FRYL: variants seen among roughly 807,000 people sequenced by gnomAD.
The protein encoded by FRYL is FRY like transcription coactivator, also known as protein furry homolog-like.
In FRYL, 150 loss-of-function variants were observed where a neutral mutation model predicts 351.2. The ratio of observed to expected loss-of-function variants is 0.43; its 90% CI spans 0.37 to 0.49. FRYL has a LOEUF of 0.49. Among genes scored for constraint, FRYL ranks in the 20% least tolerant of loss-of-function variants. The probability of loss-of-function intolerance (pLI) is 0.00; values close to 1 mark genes in which losing one functional copy is unlikely to be tolerated. For synonymous variants in FRYL, 1,153 were observed against 1,257.1 expected (o/e 0.92, Z 1.75); for missense variants, 3,036 against 3,619.3 (o/e 0.84, Z 4.13).
intron 1 of FRYL, among the ~76,000 whole-genome samples, chr4:48,779,632 G>A (rs1329098346): frequency 6.6e-6 from 1 of 151,982 alleles, no homozygotes; most frequent in Non-Finnish European, 1.5e-5. Flanking sequence ...CTCCACCTCT[G>A]CCACCGCCTT....
chr4:48,702,708 A>T (rs1195369964), intron 2 of FRYL, among the ~76,000 whole-genome samples: 17 of 142,704 alleles, frequency 1.2e-4, no homozygotes, highest in Non-Finnish European at 2.1e-4. Flanking sequence ...TTACAGTGAG[A>T]GGAGATCGGG....
At chr4:48,582,392 A>C (rs1741135303) in intron 20 of FRYL, 105 bp downstream of exon 20, 1 of 737,276 alleles carries the variant, frequency 1.4e-6, no homozygotes, top group South Asian at 1.8e-5. Flanking sequence ...AGTGAATAGA[A>C]CTAATAATAC....
chr4:48,739,003 C>T (rs1771749116), intron 1 of FRYL, among the ~76,000 whole-genome samples: 1 of 152,068 alleles, frequency 6.6e-6, no homozygotes, highest in South Asian at 2.1e-4. Flanking sequence ...TAACACTGCC[C>T]AACCCAACAC....
Position 48,640,279 on chromosome 4 carries a change from GATAA to G in FRYL, c.-80-5793_-80-5790del, listed in dbSNP as rs745953659. The stretch of plus-strand genomic sequence containing the variant: ...CAAAATGTCATTCAGTAGGTGAATG[GATAA>G]ATAAACTGTGATATATTCAGACAAT... On this transcript the variant is annotated intron_variant, in intron 3 of 63. Coordinates refer to ENST00000358350, the MANE Select transcript of FRYL (RefSeq NM_015030.2). Among the ~76,000 whole-genome samples, 31 of 152,166 alleles carry G rather than the reference GATAA, an allele frequency of 2.0e-4. 3 individuals are homozygous for G. The highest frequency in any genetic ancestry group is 3.3e-4 in the Admixed American group (5 of 15,262).
chr4:48,653,419 C>G (rs1320808761), intron 3 of FRYL, among the ~76,000 whole-genome samples: 2 of 151,984 alleles, frequency 1.3e-5, no homozygotes. Context: ...CCGTCCCACA[C>G]CCCGCCCCCC....
rs1741144380 is a variant in FRYL, at chr4:48,582,438, C to T, written c.1986+59G>A. 8.8e-6 allele frequency: 9 copies of T among 1,018,412 alleles called. No individual in the cohort carries two copies. The South Asian group carries it at 1.1e-4, about 12-fold the overall frequency. The allele number at this position is 1,018,412 out of a possible 1,614,324, so 63.1% of individuals were successfully genotyped here. A position where few individuals can be genotyped will look rare whatever the true frequency, so the allele number is the denominator to read the frequency against. ...TGATAAAGTAAATCTGTATTAAAAC[C>T]ATTATTGGTCATTTAGCACTGACCA... On this transcript the variant is annotated intron_variant, in intron 20 of 63. Transcript: ENST00000358350.
At chr4:48,702,926 T>G (rs1766927855) in intron 2 of FRYL, among the ~76,000 whole-genome samples, 1 of 151,974 alleles carries the variant, frequency 6.6e-6, no homozygotes. Context: ...AATCTTGGGA[T>G]CTAAGAAGGA....
At chr4:48,760,225 A>C (rs1199006048) in intron 1 of FRYL, among the ~76,000 whole-genome samples, 1 of 151,948 alleles carries the variant, frequency 6.6e-6, no homozygotes, top group African/African-American at 2.4e-5. Flanking sequence ...GCAGTAGTGC[A>C]ATCTCAGCTC....
chr4:48,700,859 T>C (rs1051430036), intron 2 of FRYL, among the ~76,000 whole-genome samples: 1 of 151,914 alleles, frequency 6.6e-6, no homozygotes, highest in Non-Finnish European at 1.5e-5. Context: ...AAATGCATTA[T>C]AATTGAAGCT....
intron 16 of FRYL, 57 bp from the exon 17 acceptor site, chr4:48,590,887 C>A: frequency 1.5e-6 from 2 of 1,342,266 alleles, no homozygotes; most frequent in South Asian, 1.4e-5. Context: ...ACCTTTTTTG[C>A]ATGTTAGAAA....
At chr4:48,611,325 T>C (rs1252853697) in intron 7 of FRYL, among the ~76,000 whole-genome samples, 1 of 152,062 alleles carries the variant, frequency 6.6e-6, no homozygotes, top group African/African-American at 2.4e-5. Context: ...TATTTATATA[T>C]ATTGTTTTAA....
chr4:48,777,227 T>A (rs1002933326), intron 1 of FRYL, among the ~76,000 whole-genome samples: 1 of 152,212 alleles, frequency 6.6e-6, no homozygotes, highest in Non-Finnish European at 1.5e-5. Flanking sequence ...GTGTTCACCA[T>A]CACAAAAGAT....
chr4:48,540,126 T>C, intron 46 of FRYL, 58 bp from the exon 47 acceptor site: 1 of 1,366,706 alleles, frequency 7.3e-7, no homozygotes, highest in African/African-American at 1.5e-5. Flanking sequence ...ATTTTAAAAG[T>C]TAAAGTTATT....
chr4:48,619,413 C>T (rs1750197173), intron 6 of FRYL, 43 bp from the exon 7 acceptor site: 1 of 1,110,868 alleles, frequency 9.0e-7, no homozygotes, highest in African/African-American at 1.6e-5. Flanking sequence ...AAGATTATGA[C>T]TTTAAAAATA....
chr4:48,527,377 G>T, intron 53 of FRYL, 100 bp downstream of exon 53: 1 of 807,830 alleles, frequency 1.2e-6, no homozygotes, highest in South Asian at 3.8e-5. Context: ...TTACCTTTTT[G>T]ACCTTACACT....
At chr4:48,752,738 G>C (rs1375492634) in intron 1 of FRYL, among the ~76,000 whole-genome samples, 1 of 152,188 alleles carries the variant, frequency 6.6e-6, no homozygotes, top group Non-Finnish European at 1.5e-5. Flanking sequence ...AGCTAGACAA[G>C]AGTTCACATT....
rs1758260243 is a variant in FRYL, at chr4:48,653,970, T to C, written c.-80-19480A>G. ...ATGCAGTCTTGCAGTGACGCACAAC[T>C]ATAGTGGAAATGCCGCTGAATGCAG... On this transcript the variant is annotated intron_variant, in intron 3 of 63. Coordinates refer to ENST00000358350, the MANE Select transcript of FRYL (RefSeq NM_015030.2). The C allele has an allele frequency of 1.0e-5, 12 of 1,153,972 alleles. No homozygotes were observed. In the South Asian group the frequency reaches 1.7e-4, roughly 16 times the overall value. The allele number at this position is 1,153,972 out of a possible 1,614,324, so 71.5% of individuals were successfully genotyped here.
chr4:48,517,466 T>G lies in FRYL; in HGVS notation c.7690-2191A>C, dbSNP rs192124203. ...GAAAGTGCTTTTGGGGCTGTTAGAA[T>G]GGATTCCATTGTTTATATGTAGATT... On this transcript the variant is annotated intron_variant, in intron 55 of 63. Transcript: ENST00000358350. Among the ~76,000 whole-genome samples the G allele has an allele frequency of 2.6e-5, 4 of 152,354 alleles. No individual in the cohort carries two copies. In the East Asian group the frequency reaches 7.7e-4, roughly 29 times the overall value.
intron 3 of FRYL, among the ~76,000 whole-genome samples, chr4:48,663,846 A>G (rs1254673414): frequency 6.6e-6 from 1 of 151,390 alleles, no homozygotes; most frequent in Non-Finnish European, 1.5e-5. Context: ...AGTGGATATT[A>G]GAAGTGTGTG....
Sources: allele counts gnomAD v4.1 joint callset (sites outside exome capture counted in the v4.1 genomes callset), GRCh38; gene constraint gnomAD v4.1.1; transcripts MANE v1.5; gene names NCBI Gene and HGNC (gene_info 2026-07-23, HGNC 2026-07-21).